Variants in ATG4B observed in about 807,000 individuals in gnomAD.
ATG4B encodes the protein cysteine protease ATG4B.
In ATG4B, 29 loss-of-function variants were observed where a neutral mutation model predicts 56.6. The ratio of observed to expected loss-of-function variants is 0.51; its 90% CI spans 0.38 to 0.70. The LOEUF (loss-of-function observed/expected upper bound fraction) is 0.70. ATG4B is among the 30% of genes least tolerant of loss of function. The pLI, the probability that ATG4B is intolerant of heterozygous loss-of-function variation, is 0.00. For missense variants in ATG4B, 461 were observed against 515.5 expected (o/e 0.89, Z 1.02); for synonymous variants, 224 against 206.1 (o/e 1.09, Z -0.74).
intron 10 of ATG4B, among the ~76,000 whole-genome samples, chr2:241,669,947 G>A (rs541568124): frequency 6.6e-5 from 10 of 152,324 alleles, no homozygotes; most frequent in African/African-American, 1.9e-4. Context: ...GCCAGCCACC[G>A]CAGACAGAGG....
chr2:241,643,705 C>A (rs985761054), intron 1 of ATG4B, among the ~76,000 whole-genome samples: 1 of 131,264 alleles, frequency 7.6e-6, no homozygotes, highest in Non-Finnish European at 1.6e-5. Flanking sequence ...CCCCCCCCCC[C>A]GTCGTCCAGG....
chr2:241,638,148 G>C (rs934841347), intron 1 of ATG4B: 1 of 156,168 alleles, frequency 6.4e-6, no homozygotes, highest in Non-Finnish European at 1.4e-5. Context: ...GCAGCTGAGC[G>C]TGAAGGGATG....
chr2:241,649,454 A>G (rs2068164872), intron 1 of ATG4B, among the ~76,000 whole-genome samples: 2 of 152,244 alleles, frequency 1.3e-5, no homozygotes, highest in South Asian at 2.1e-4. Flanking sequence ...GGAGAAATTC[A>G]TATGTGATTG....
At position 241,668,187 on chromosome 2, in the gene ATG4B, G is replaced by A; in HGVS notation, c.777G>A (p.Lys259=). Residue 259 remains lysine, a synonymous_variant, in exon 9 of 13, where the codon AAG becomes AAA. Transcript: ENST00000404914. The surrounding 1 kb of genome is among the most constrained non-coding windows in gnomAD (Gnocchi z 4.2). ...MPQSLGVIGG[K]PNSAHYFIGY... ...AGTCCCTGGGCGTCATCGGAGGGAAGCCCAACAGCGCCCACTACTTCATCG... is the reference window on the plus strand; with the variant it reads ...AGTCCCTGGGCGTCATCGGAGGGAAACCCAACAGCGCCCACTACTTCATCG... 1.2e-6 allele frequency: 2 copies of A among 1,607,418 alleles called. No individual in the cohort carries two copies. Among genetic ancestry groups the A allele is most frequent in the Non-Finnish European group, 1.7e-6 (2 of 1,177,372 alleles).
chr2:241,654,264 C>T (rs4496359), intron 4 of ATG4B, among the ~76,000 whole-genome samples: 36,945 of 151,268 alleles, frequency 0.24, 5,273 homozygotes, highest in African/African-American at 0.39. Flanking sequence ...CTACTAAAAA[C>T]ACAAAAATTA....
rs984442336 is a variant in ATG4B, at chr2:241,673,339, C to T, written c.*1075C>T. 4.8e-5 allele frequency: 17 copies of T among 357,088 alleles called. No individual in the cohort carries two copies. Among genetic ancestry groups the T allele is most frequent in the African/African-American group, 1.7e-4 (8 of 46,706 alleles). 22.1% of individuals were successfully genotyped at this position (357,088 alleles called of 1,614,324 possible). On this transcript the variant is annotated 3_prime_UTR_variant, in exon 13 of 13. Transcript: ENST00000404914. ...CCGGGTCCCAGAGTGCACTCTGCCCCGCTGCTCTGCTGCCTGTCCTGGGAA... is the reference window on the plus strand; with the variant it reads ...CCGGGTCCCAGAGTGCACTCTGCCCTGCTGCTCTGCTGCCTGTCCTGGGAA...
chr2:241,657,881 C>A (rs1279371480), intron 6 of ATG4B, among the ~76,000 whole-genome samples: 1 of 152,210 alleles, frequency 6.6e-6, no homozygotes, highest in Non-Finnish European at 1.5e-5. Flanking sequence ...CGGGGCTCTA[C>A]CCGACCTCCC....
chr2:241,645,622 G>T (rs989710580), intron 1 of ATG4B, among the ~76,000 whole-genome samples: 1 of 152,186 alleles, frequency 6.6e-6, no homozygotes, highest in Admixed American at 6.5e-5. Flanking sequence ...AGCCTGTAAG[G>T]TTGCGTGACT....
intron 1 of ATG4B, among the ~76,000 whole-genome samples, chr2:241,640,939 G>A (rs2067867154): frequency 6.6e-6 from 1 of 152,198 alleles, no homozygotes; most frequent in Admixed American, 6.5e-5. Context: ...TGAACAGGAT[G>A]GCAGCCGTTT....
At chr2:241,642,209 A>G (rs1302010566) in intron 1 of ATG4B, among the ~76,000 whole-genome samples, 4 of 149,318 alleles carry the variant, frequency 2.7e-5, no homozygotes, top group Non-Finnish European at 4.4e-5. Context: ...TCTGTTTCCC[A>G]GGCTGGAGTG....
intron 1 of ATG4B, among the ~76,000 whole-genome samples, chr2:241,648,663 C>T (rs1164813644): frequency 6.6e-6 from 1 of 151,930 alleles, no homozygotes; most frequent in African/African-American, 2.4e-5. Flanking sequence ...AAGCTTGCTT[C>T]ATCTGGCTGC....
In ATG4B at chr2:241,668,172, C is replaced by A; in HGVS notation, c.762C>A (p.Gly254=). 6.2e-7 allele frequency: 1 copy of A among 1,606,356 alleles called. No homozygotes were observed. Among genetic ancestry groups the A allele is most frequent in the Non-Finnish European group, 8.5e-7 (1 of 1,176,854 alleles). ...GCTTCATGATGCCCCAGTCCCTGGG[C>A]GTCATCGGAGGGAAGCCCAACAGCG... The part of the protein sequence containing the change: ...KHCFMMPQSL[G]VIGGKPNSAH... The change falls in exon 9 of 13, where the codon GGC becomes GGA. Residue 254 remains glycine, a synonymous_variant. Transcript: ENST00000404914. The surrounding 1 kb of genome is among the most constrained non-coding windows in gnomAD (Gnocchi z 4.2).
Position 241,672,353 on chromosome 2 carries a change from G to T in ATG4B, c.*89G>T. Reference sequence around the variant, plus strand: ...CCATCCCGCCCGCTCGCCTGCCGAGGGCTGCGCCCCGTGCTGCCTCCCCCC... The same window carrying T: ...CCATCCCGCCCGCTCGCCTGCCGAGTGCTGCGCCCCGTGCTGCCTCCCCCC... On this transcript the variant is annotated 3_prime_UTR_variant, in exon 13 of 13. Transcript: ENST00000404914. 1 of 1,261,174 alleles carries T rather than the reference G, an allele frequency of 7.9e-7. No individual in the cohort carries two copies. Among genetic ancestry groups the T allele is most frequent in the Non-Finnish European group, 1.1e-6 (1 of 893,154 alleles). 78.1% of individuals were successfully genotyped at this position (1,261,174 alleles called of 1,614,324 possible).
At chr2:241,652,332 A>G (rs966165627) in intron 3 of ATG4B, among the ~76,000 whole-genome samples, 3 of 152,154 alleles carry the variant, frequency 2.0e-5, no homozygotes, top group Non-Finnish European at 4.4e-5. Flanking sequence ...CCCAGCCTCC[A>G]TCTCCTTCAC....
intron 1 of ATG4B, among the ~76,000 whole-genome samples, chr2:241,646,626 C>T (rs2068067491): frequency 6.6e-6 from 1 of 152,206 alleles, no homozygotes; most frequent in African/African-American, 2.4e-5. Context: ...AGCTCCTCGT[C>T]AGCCACATCA....
At chr2:241,642,131 A>G (rs984438049) in intron 1 of ATG4B, among the ~76,000 whole-genome samples, 14 of 151,452 alleles carry the variant, frequency 9.2e-5, no homozygotes, top group African/African-American at 2.7e-4. Flanking sequence ...GTATGTTAGC[A>G]TAACATGTAA....
intron 7 of ATG4B, among the ~76,000 whole-genome samples, chr2:241,662,162 C>A: frequency 6.6e-6 from 1 of 152,006 alleles, no homozygotes; most frequent in South Asian, 2.1e-4. Flanking sequence ...AGCTAAAGAC[C>A]CCCAAATTTT....
intron 3 of ATG4B, chr2:241,653,254 G>A (rs2068276103): frequency 1.5e-6 from 2 of 1,316,692 alleles, no homozygotes; most frequent in African/African-American, 2.9e-5. Context: ...ATGTTTGTCA[G>A]ACATTCCTTT....
At chr2:241,659,672 G>A (rs2068530881) in intron 7 of ATG4B, 1 of 275,662 alleles carries the variant, frequency 3.6e-6, no homozygotes, top group Admixed American at 5.1e-5. Flanking sequence ...TTACATCTAG[G>A]AGGAAAACTG....
Sources: allele counts gnomAD v4.1 joint callset (sites outside exome capture counted in the v4.1 genomes callset), GRCh38; gene constraint gnomAD v4.1.1; non-coding constraint Gnocchi (gnomAD v3.1); transcripts MANE v1.5; gene names NCBI Gene and HGNC (gene_info 2026-07-23, HGNC 2026-07-21).